Variants in NF1 observed in about 807,000 individuals in gnomAD.
NF1 encodes neurofibromin.
In NF1, 122 loss-of-function variants were observed where a neutral mutation model predicts 325.7. The observed-to-expected ratio is 0.37, with a 90% CI of 0.32 to 0.44. NF1 has a LOEUF of 0.44. Among genes scored for constraint, NF1 ranks in the 20% least tolerant of loss-of-function variants. The pLI is 1.00. For synonymous variants in NF1, 1,091 were observed against 1,186.0 expected (o/e 0.92, Z 1.65); for missense variants, 2,140 against 3,415.4 (o/e 0.63, Z 9.31).
intron 36 of NF1, among the ~76,000 whole-genome samples, chr17:31,280,830 G>A (rs775277051): frequency 2.7e-4 from 41 of 149,616 alleles, no homozygotes; most frequent in Non-Finnish European, 5.0e-4. Context: ...GTATTACTTC[G>A]GGGATTTTTT....
chr17:31,112,147 C>A (rs535184167), intron 1 of NF1, among the ~76,000 whole-genome samples: 28 of 152,232 alleles, frequency 1.8e-4, no homozygotes, highest in Middle Eastern at 6.8e-3. Context: ...CTGTTTTTGT[C>A]TCAGTGGATA....
chr17:31,242,289 A>G lies in NF1; in HGVS notation c.3974+6268A>G, dbSNP rs12942956. ...TGAATATTGATAAATATCTTTCCCT[A>G]GGTTTCATAAGTTCTCTTTTTTTTT... On this transcript the variant is annotated intron_variant, in intron 29 of 57. Transcript: ENST00000358273. Among the ~76,000 whole-genome samples, 160 of 121,196 alleles carry G rather than the reference A, an allele frequency of 1.3e-3. 1 individual carries two copies. Among genetic ancestry groups the G allele is most frequent in the Non-Finnish European group, 1.9e-3 (114 of 58,718 alleles). The allele number at this position is 121,196 out of a possible 152,430, so 79.5% of individuals were successfully genotyped here.
At chr17:31,353,167 C>A (rs1208775400) in intron 51 of NF1, among the ~76,000 whole-genome samples, 1 of 152,118 alleles carries the variant, frequency 6.6e-6, no homozygotes, top group Non-Finnish European at 1.5e-5. Flanking sequence ...CCTCGGCCTC[C>A]CAAAGTGCTG....
chr17:31,230,501 A>G, intron 23 of NF1, 119 bp downstream of exon 23: 1 of 1,278,178 alleles, frequency 7.8e-7, no homozygotes, highest in Non-Finnish European at 1.1e-6. Context: ...AGAGCAATTT[A>G]CATGTTTGTT....
intron 1 of NF1, among the ~76,000 whole-genome samples, chr17:31,109,510 A>G (rs1380309905): frequency 6.6e-6 from 1 of 151,138 alleles, no homozygotes; most frequent in East Asian, 1.9e-4. Context: ...CAGTCTTTCG[A>G]GTAGCTGGGA....
intron 5 of NF1, among the ~76,000 whole-genome samples, chr17:31,180,332 C>A (rs2066105010): frequency 6.6e-6 from 1 of 152,270 alleles, no homozygotes; most frequent in South Asian, 2.1e-4. Context: ...AACATCGATG[C>A]AAAAATCCTC....
chr17:31,144,614 C>G (rs1466599852), intron 1 of NF1, among the ~76,000 whole-genome samples: 1 of 152,026 alleles, frequency 6.6e-6, no homozygotes, highest in Non-Finnish European at 1.5e-5. Context: ...GTTTCTTGGC[C>G]TCTCTCTCCA....
intron 36 of NF1, chr17:31,296,497 A>G: frequency 1.4e-6 from 1 of 693,630 alleles, no homozygotes; most frequent in Non-Finnish European, 2.6e-6. Context: ...CCCTTCATTT[A>G]TAGTCCAAAT....
At chr17:31,170,447 TTCATTTCTG>T (rs2065911640) in intron 5 of NF1, among the ~76,000 whole-genome samples, 1 of 152,182 alleles carries the variant, frequency 6.6e-6, no homozygotes, top group Admixed American at 6.5e-5. Flanking sequence ...AGCCAGAGAT[TTCATTTCTG>T]ACATTTCTGT....
intron 36 of NF1, chr17:31,295,790 T>C (rs917798174): frequency 1.2e-6 from 2 of 1,614,118 alleles, no homozygotes; most frequent in Admixed American, 3.3e-5. Context: ...TGGAAGAATT[T>C]GTGTCAAAGA....
At chr17:31,105,975 T>C (rs775636844) in intron 1 of NF1, among the ~76,000 whole-genome samples, 4 of 152,202 alleles carry the variant, frequency 2.6e-5, no homozygotes, top group Non-Finnish European at 5.9e-5. Flanking sequence ...TTATTTTTAA[T>C]CAAAATTTTA....
rs576036418 is a variant in NF1 at position 31,207,125 on chromosome 17, T to C, written c.1392+754T>C. Reference sequence around the variant, plus strand: ...GTCTTCTGCTTCTTATTTTCTATTATTGGCTGCTGTCGCTCACATGATCAG... The same window carrying C: ...GTCTTCTGCTTCTTATTTTCTATTACTGGCTGCTGTCGCTCACATGATCAG... On this transcript the variant is annotated intron_variant, in intron 12 of 57. Transcript: ENST00000358273. Among the ~76,000 whole-genome samples, 5 of 152,310 alleles carry C rather than the reference T, an allele frequency of 3.3e-5. No homozygotes were observed. The highest frequency in any genetic ancestry group is 3.3e-4 in the Admixed American group (5 of 15,302).
At position 31,127,710 on chromosome 17, in the gene NF1, G is replaced by C. The variant is rs144209064; in HGVS notation, c.61-28273G>C. Among the ~76,000 whole-genome samples, 504 of 151,882 alleles carry C rather than the reference G, an allele frequency of 3.3e-3. 21 individuals carry two copies. The East Asian group carries it at 0.081, about 24-fold the overall frequency. Reference sequence around the variant, plus strand: ...GCCTCCCAAAGTGCTAGGATTACAGGTGTGAGCCACCACATCTGGCCTGTT... The same window carrying C: ...GCCTCCCAAAGTGCTAGGATTACAGCTGTGAGCCACCACATCTGGCCTGTT... On this transcript the variant is annotated intron_variant, in intron 1 of 57. Transcript: ENST00000358273.
At chr17:31,242,423 C>T (rs1173308488) in intron 29 of NF1, among the ~76,000 whole-genome samples, 1 of 145,732 alleles carries the variant, frequency 6.9e-6, no homozygotes, top group African/African-American at 2.6e-5. Context: ...CTCTTTAAGG[C>T]CAGTAACTCT....
At chr17:31,136,559 A>G (rs12939969) in intron 1 of NF1, 87,796 of 151,874 alleles carry the variant, frequency 0.58, 27,511 homozygotes, top group Middle Eastern at 0.8. Context: ...CTTGGGATGC[A>G]AATCATCCCT....
intron 1 of NF1, chr17:31,095,584 C>T (rs1033463924): frequency 1.7e-5 from 10 of 577,180 alleles, no homozygotes; most frequent in African/African-American, 7.8e-5. Flanking sequence ...CACCCTTTCC[C>T]TCCTAAGTCG....
At chr17:31,320,940 A>T (rs1482334717) in intron 36 of NF1, 1 of 152,664 alleles carries the variant, frequency 6.6e-6, no homozygotes, top group Non-Finnish European at 1.5e-5. Flanking sequence ...ATTGGTACAC[A>T]TTTTAACAGT....
rs781244510 is a variant in NF1 at position 31,162,035 on chromosome 17, CAA to C, written c.289-1130_289-1129del. 7.5e-3 allele frequency among the ~76,000 whole-genome samples: 407 copies of C among 54,156 alleles called. 3 individuals carry two copies. The highest frequency in any genetic ancestry group is 0.031 in the African/African-American group (387 of 12,308). 35.5% of individuals were successfully genotyped at this position (54,156 alleles called of 152,430 possible). On this transcript the variant is annotated intron_variant, in intron 3 of 57. Coordinates refer to ENST00000358273, the MANE Select transcript of NF1 (RefSeq NM_001042492.3). The stretch of plus-strand genomic sequence containing the variant: ...TGGGCCACAGAGCGAGACTCCATCT[CAA>C]AAAAAAAAAAAAAAAAAAAAGAACG...
intron 1 of NF1, among the ~76,000 whole-genome samples, chr17:31,143,241 T>TCACA (rs113633144): frequency 6.6e-6 from 1 of 151,430 alleles, no homozygotes; most frequent in Non-Finnish European, 1.5e-5. Flanking sequence ...TTTTTTTAAA[T>TCACA]CACACACACA....
Sources: gnomAD v4.1 joint callset for allele counts (sites outside exome capture counted in the v4.1 genomes callset) on GRCh38, gnomAD v4.1.1 for gene constraint, MANE v1.5 for transcripts, NCBI Gene and HGNC (gene_info 2026-07-23, HGNC 2026-07-21) for gene names.